Variants in HS1BP3 observed in about 807,000 individuals in gnomAD.
The protein encoded by HS1BP3 is HCLS1-binding protein 3.
A neutral mutation model predicts 33.5 loss-of-function variants in HS1BP3; 32 were observed. That is an observed-to-expected ratio of 0.95 (90% CI 0.72 to 1.28). HS1BP3 has a LOEUF of 1.28. Among genes scored for constraint, HS1BP3 ranks in the 50% most tolerant of loss-of-function variants. HS1BP3 has a pLI of 0.00. For synonymous variants in HS1BP3, 187 were observed against 209.2 expected, an observed-to-expected ratio of 0.89 and a Z score of 0.92; for missense variants, 486 against 502.3, an observed-to-expected ratio of 0.97 and a Z score of 0.31.
chr2:20,612,564 A>G, intron 2 of HS1BP3, among the ~76,000 whole-genome samples: 1 of 152,210 alleles, frequency 6.6e-6, no homozygotes, highest in Non-Finnish European at 1.5e-5. Context: ...GAATCATACA[A>G]TACGTGGTCT....
At chr2:20,587,510 G>T (rs1326650979) in intron 5 of HS1BP3, among the ~76,000 whole-genome samples, 3 of 152,172 alleles carry the variant, frequency 2.0e-5, no homozygotes, top group Non-Finnish European at 4.4e-5. Flanking sequence ...CTGGCGAAAG[G>T]TTGACGGGGA....
intron 5 of HS1BP3, among the ~76,000 whole-genome samples, chr2:20,583,032 C>T (rs994275886): frequency 6.6e-6 from 1 of 152,198 alleles, no homozygotes; most frequent in African/African-American, 2.4e-5. Flanking sequence ...CCTGAGAGCC[C>T]AAGCCCACCC....
chr2:20,573,268 C>G (rs1693318500), intron 5 of HS1BP3, among the ~76,000 whole-genome samples: 1 of 152,126 alleles, frequency 6.6e-6, no homozygotes, highest in Non-Finnish European at 1.5e-5. Context: ...CCCCGAGAGC[C>G]TTCAGAGGGA....
downstream of HS1BP3, among the ~76,000 whole-genome samples, chr2:20,590,157 G>T (rs1240822005): frequency 6.6e-6 from 1 of 152,158 alleles, no homozygotes; most frequent in Non-Finnish European, 1.5e-5. Context: ...GAAGCTGGGG[G>T]CATTTGGCCC....
At chr2:20,622,436 G>T in intron 6 of HS1BP3, 1 of 674,682 alleles carries the variant, frequency 1.5e-6, no homozygotes, top group Non-Finnish European at 2.3e-6. Flanking sequence ...CGCTCTGCGG[G>T]ATGCTAAGGG....
chr2:20,571,196 C>T (rs916256857), intron 5 of HS1BP3, among the ~76,000 whole-genome samples: 3 of 152,324 alleles, frequency 2.0e-5, no homozygotes, highest in East Asian at 1.9e-4. Flanking sequence ...TGTTCCTTGA[C>T]GGTACCCCAG....
chr2:20,582,461 G>C (rs960624486), intron 5 of HS1BP3, among the ~76,000 whole-genome samples: 12 of 152,204 alleles, frequency 7.9e-5, no homozygotes, highest in Admixed American at 3.9e-4. Flanking sequence ...GTGAGGGAGG[G>C]GTGGGGGTAG....
At chr2:20,563,098 G>C (rs983608601) in intron 5 of HS1BP3, among the ~76,000 whole-genome samples, 2 of 152,210 alleles carry the variant, frequency 1.3e-5, no homozygotes, top group Non-Finnish European at 2.9e-5. Context: ...AGTGCAGAGA[G>C]AGACTGTGAA....
At chr2:20,594,821 G>C (rs894891101) in intron 3 of HS1BP3, among the ~76,000 whole-genome samples, 1 of 152,126 alleles carries the variant, frequency 6.6e-6, no homozygotes, top group Non-Finnish European at 1.5e-5. Flanking sequence ...ATTCCTGGAG[G>C]GGGCTGTCTT....
At chr2:20,631,599 G>C (rs1265768097) in intron 4 of HS1BP3, among the ~76,000 whole-genome samples, 2 of 147,188 alleles carry the variant, frequency 1.4e-5, no homozygotes, top group Non-Finnish European at 3.0e-5. Context: ...ATTTGCTATG[G>C]TCCCCAGAGT....
chr2:20,569,280 C>T (rs1197716195), intron 5 of HS1BP3, among the ~76,000 whole-genome samples: 1 of 152,208 alleles, frequency 6.6e-6, no homozygotes, highest in Non-Finnish European at 1.5e-5. Flanking sequence ...CGCAGACTTC[C>T]ACCTTCAGAC....
chr2:20,595,920 C>T (rs963364304), intron 3 of HS1BP3, among the ~76,000 whole-genome samples: 1 of 152,214 alleles, frequency 6.6e-6, no homozygotes, highest in African/African-American at 2.4e-5. Flanking sequence ...CAAGAGCTTC[C>T]CGCATGGCTG....
Position 20,564,247 on chromosome 2 carries a change from A to T in HS1BP3, c.303-3732T>A, listed in dbSNP as rs146234912. 5.9e-5 allele frequency among the ~76,000 whole-genome samples: 9 copies of T among 152,268 alleles called. No homozygotes were observed. In the East Asian group the frequency reaches 1.7e-3, roughly 29 times the overall value. On this transcript the variant is annotated intron_variant, in intron 5 of 5. Coordinates refer to the HS1BP3 transcript ENST00000446825. ...AGTCCCAGCTTGGGCTCCCATCATG[A>T]CGGGGAGCTCACCACCTCTCAGGTG...
intron 4 of HS1BP3, among the ~76,000 whole-genome samples, chr2:20,633,945 T>A (rs944790948): frequency 6.6e-6 from 1 of 152,262 alleles, no homozygotes; most frequent in Non-Finnish European, 1.5e-5. Flanking sequence ...ACCTGCCTCC[T>A]CCTTTCCTTA....
chr2:20,570,190 T>C (rs74539953), intron 5 of HS1BP3, among the ~76,000 whole-genome samples: 3 of 130,054 alleles, frequency 2.3e-5, no homozygotes, highest in Non-Finnish European at 5.0e-5. Flanking sequence ...GAGTTTTTTT[T>C]CCCCCTTCTT....
downstream of HS1BP3, among the ~76,000 whole-genome samples, chr2:20,558,843 T>C (rs2278882): frequency 0.71 from 107,326 of 151,944 alleles, 42,081 homozygotes; most frequent in Non-Finnish European, 0.86. Context: ...ACAGAGGGGG[T>C]AGGGCCTGGC....
downstream of HS1BP3, among the ~76,000 whole-genome samples, chr2:20,560,149 C>G: frequency 6.6e-6 from 1 of 152,202 alleles, no homozygotes; most frequent in East Asian, 1.9e-4. Context: ...CAGGCTGGCT[C>G]TCATGGCTAG....
chr2:20,626,482 AG>A (rs1436967691), intron 4 of HS1BP3, among the ~76,000 whole-genome samples: 1 of 152,240 alleles, frequency 6.6e-6, no homozygotes, highest in Non-Finnish European at 1.5e-5. Context: ...GTCTAGATTG[AG>A]GATGGTCATA....
chr2:20,594,038 T>C (rs114286097), intron 3 of HS1BP3, among the ~76,000 whole-genome samples: 1,551 of 152,334 alleles, frequency 0.01, 13 homozygotes, highest in Middle Eastern at 0.027. Flanking sequence ...TTCCTTCCTG[T>C]TGCTGGTCCC....
Sources: allele counts gnomAD v4.1 joint callset (sites outside exome capture counted in the v4.1 genomes callset), GRCh38; gene constraint gnomAD v4.1.1; transcripts MANE v1.5; gene names NCBI Gene and HGNC (gene_info 2026-07-23, HGNC 2026-07-21).